Variants in ACTN2 observed in about 807,000 individuals in gnomAD.
The protein encoded by ACTN2 is alpha-actinin-2.
ACTN2 carries 39 observed loss-of-function variants against 113.8 expected under a neutral mutation model. The observed-to-expected ratio is 0.34, with a 90% confidence interval of 0.27 to 0.45. The LOEUF is 0.45. Among genes scored for constraint, ACTN2 ranks in the 20% least tolerant of loss-of-function variants. The pLI is 1.00. For missense variants in ACTN2, 992 were observed against 1,177.9 expected, an observed-to-expected ratio of 0.84 and a Z score of 2.31; for synonymous variants, 429 against 444.1, an observed-to-expected ratio of 0.97 and a Z score of 0.43.
chr1:236,713,115 A>C (rs1016937118), intron 1 of ACTN2, among the ~76,000 whole-genome samples: 5 of 152,156 alleles, frequency 3.3e-5, no homozygotes, highest in African/African-American at 9.7e-5. Context: ...ATAGGGAGCT[A>C]GTTACATAAA....
chr1:236,688,098 G>A (rs1206858642), intron 1 of ACTN2, among the ~76,000 whole-genome samples: 2 of 152,186 alleles, frequency 1.3e-5, no homozygotes, highest in African/African-American at 4.8e-5. Context: ...TACGAGGCAT[G>A]AGGATTACTA....
rs1658281002 is a variant in ACTN2 at position 236,718,275 on chromosome 1, T to A, written c.241+303T>A. On this transcript the variant is annotated intron_variant, in intron 2 of 20. Transcript: ENST00000366578. ...TCCATGCTGCCCTTTCTACTCTTCG[T>A]CCAGCTAGAGTGTATTCCAGAAATC... Among the ~76,000 whole-genome samples the A allele has an allele frequency of 2.0e-5, 3 of 152,236 alleles. No homozygotes were observed. The South Asian group carries it at 6.2e-4, about 32-fold the overall frequency.
chr1:236,700,428 G>T (rs187466585), intron 1 of ACTN2, among the ~76,000 whole-genome samples: 2 of 152,180 alleles, frequency 1.3e-5, no homozygotes, highest in Admixed American at 6.5e-5. Context: ...CAGGCTCAGC[G>T]GAAGATGGGG....
Position 236,725,987 on chromosome 1 carries a change from A to G in ACTN2, c.503A>G (p.Tyr168Cys). ...TGGTGTCAGAGGAAAACTGCTCCTT[A>G]TAGAAATGTGAACATTCAGAACTTC... The part of the protein sequence containing the change: ...LLWCQRKTAP[Y>C]RNVNIQNFHT... The change falls in exon 5 of 21, where the codon TAT (tyrosine) becomes TGT (cysteine). Residue 168 changes from tyrosine (Y) to cysteine (C), a missense_variant. Physicochemically the swap from Tyr to Cys is radical, Grantham distance 194. Transcript: ENST00000366578. 1 of 1,614,238 alleles carries G rather than the reference A, an allele frequency of 6.2e-7. No individual in the cohort carries two copies. The highest frequency in any genetic ancestry group is 8.5e-7 in the Non-Finnish European group (1 of 1,180,042).
chr1:236,736,267 C>T (rs1480549355), intron 8 of ACTN2, among the ~76,000 whole-genome samples: 1 of 152,244 alleles, frequency 6.6e-6, no homozygotes, highest in Non-Finnish European at 1.5e-5. Flanking sequence ...TCTGCATATT[C>T]ACCTGTTTCT....
At chr1:236,762,233 C>A (rs1659727506) in intron 20 of ACTN2, among the ~76,000 whole-genome samples, 1 of 152,048 alleles carries the variant, frequency 6.6e-6, no homozygotes, top group Non-Finnish European at 1.5e-5. Flanking sequence ...GCTCCATTTG[C>A]CTTTATGAAG....
intron 1 of ACTN2, among the ~76,000 whole-genome samples, chr1:236,694,525 C>T (rs934525264): frequency 6.6e-6 from 1 of 152,044 alleles, no homozygotes; most frequent in Non-Finnish European, 1.5e-5. Context: ...GCCTGGCCCG[C>T]ACTGACATTT....
At chr1:236,723,711 C>A (rs1658466616) in intron 4 of ACTN2, among the ~76,000 whole-genome samples, 1 of 152,134 alleles carries the variant, frequency 6.6e-6, no homozygotes, top group Admixed American at 6.5e-5. Context: ...CCAGCCTCGG[C>A]CTCCCAAAGT....
chr1:236,735,668 C>T lies in ACTN2; in HGVS notation c.731C>T (p.Ala244Val), dbSNP rs938796645. ...IVNTPKPDER[A>V]IMTYVSCFYH... Reference sequence around the variant, plus strand: ...AACACCCCTAAACCCGATGAAAGAGCCATCATGACGTACGTCTCTTGCTTC... The same window carrying T: ...AACACCCCTAAACCCGATGAAAGAGTCATCATGACGTACGTCTCTTGCTTC... Residue 244 changes from alanine to valine, a missense_variant, in exon 8 of 21, where the codon GCC becomes GTC. This residue lies in a region of ACTN2 where 220 missense variants were observed against 337.5 expected (regional missense o/e 0.65). Coordinates refer to ENST00000366578, the MANE Select transcript of ACTN2 (RefSeq NM_001103.4). 3 of 1,614,078 alleles carry T rather than the reference C, an allele frequency of 1.9e-6. No individual in the cohort carries two copies. The African/African-American group carries it at 4.0e-5, about 22-fold the overall frequency.
chr1:236,715,307 C>G (rs1489600438), intron 1 of ACTN2, among the ~76,000 whole-genome samples: 7 of 96,468 alleles, frequency 7.3e-5, no homozygotes, highest in Non-Finnish European at 1.1e-4. Flanking sequence ...TCCCTCCCCC[C>G]TCCCCCCACC....
At chr1:236,726,090 G>C (rs1658542035) in intron 5 of ACTN2, 70 bp downstream of exon 5, 1 of 1,357,764 alleles carries the variant, frequency 7.4e-7, no homozygotes, top group Non-Finnish European at 1.1e-6. Flanking sequence ...AACAGTGTTT[G>C]TGTGCACCCG....
chr1:236,689,792 G>A (rs1163669977), intron 1 of ACTN2, among the ~76,000 whole-genome samples: 4 of 152,218 alleles, frequency 2.6e-5, no homozygotes, highest in South Asian at 2.1e-4. Context: ...AACTTTTAGA[G>A]TGTTGGTGTC....
intron 17 of ACTN2, 126 bp from the exon 18 acceptor site, chr1:236,757,359 TG>T: frequency 1.6e-6 from 2 of 1,217,720 alleles, no homozygotes; most frequent in Non-Finnish European, 2.4e-6. Flanking sequence ...TTTTCAAGTG[TG>T]GGGAAGGCTA....
chr1:236,751,511 C>T lies in ACTN2; in HGVS notation c.1698C>T (p.Pro566=), dbSNP rs148961019. The change falls in exon 15 of 21, where the codon CCC becomes CCT. Residue 566 remains proline, a synonymous_variant. Coordinates refer to ENST00000366578, the MANE Select transcript of ACTN2 (RefSeq NM_001103.4). ...ATGAGCAGTTCAAGGCCACGCTGCC[C>T]GAGGCGGACGGAGAGCGGCAGTCCA... ...TAHEQFKATL[P]EADGERQSIM... 1.4e-5 allele frequency: 22 copies of T among 1,614,104 alleles called. No homozygotes were observed. The highest frequency in any genetic ancestry group is 8.9e-5 in the East Asian group (4 of 44,886).
intron 11 of ACTN2, among the ~76,000 whole-genome samples, chr1:236,743,279 T>C (rs1659128406): frequency 6.6e-6 from 1 of 152,210 alleles, no homozygotes; most frequent in Non-Finnish European, 1.5e-5. Context: ...AAATGTGTTC[T>C]TTACATACCT....
intron 1 of ACTN2, among the ~76,000 whole-genome samples, chr1:236,688,651 A>G (rs1373420939): frequency 6.6e-6 from 1 of 152,122 alleles, no homozygotes; most frequent in Non-Finnish European, 1.5e-5. Flanking sequence ...ATTTTTTTTA[A>G]GATAGTTTGA....
At chr1:236,758,303 A>ATTTTTTTTT (rs1349813845) in intron 18 of ACTN2, among the ~76,000 whole-genome samples, 24 of 136,006 alleles carry the variant, frequency 1.8e-4, no homozygotes, top group Admixed American at 5.0e-4. Flanking sequence ...TTTTTTTTTA[A>ATTTTTTTTT]TGAGACGGAG....
intron 9 of ACTN2, among the ~76,000 whole-genome samples, chr1:236,738,801 A>G (rs1658970205): frequency 1.3e-5 from 2 of 152,224 alleles, no homozygotes; most frequent in African/African-American, 4.8e-5. Flanking sequence ...GTCAAAATAC[A>G]CTTTGGCATT....
At chr1:236,715,576 AT>A (rs1274130773) in intron 1 of ACTN2, among the ~76,000 whole-genome samples, 2 of 152,048 alleles carry the variant, frequency 1.3e-5, no homozygotes, top group African/African-American at 4.8e-5. Flanking sequence ...TGAGGAGCTA[AT>A]TTTTAAATTT....
Sources: gnomAD v4.1 joint callset for allele counts (sites outside exome capture counted in the v4.1 genomes callset) on GRCh38, gnomAD v4.1.1 for gene constraint, gnomAD v4.1.1 regional missense constraint, MANE v1.5 for transcripts, NCBI Gene and HGNC (gene_info 2026-07-23, HGNC 2026-07-21) for gene names.